Variants in TSC22D2 observed in about 807,000 individuals in gnomAD.
TSC22D2 encodes TSC22 domain family protein 2.
Under a neutral mutation model 50.1 loss-of-function variants are expected in TSC22D2, and 5 were observed. The ratio of observed to expected loss-of-function variants is 0.10; its 90% CI spans 0.05 to 0.21. The LOEUF is 0.21. TSC22D2 is among the 10% of genes least tolerant of loss of function. The pLI is 1.00. For synonymous variants in TSC22D2, 501 were observed against 450.1 expected (o/e 1.11, Z -1.43); for missense variants, 1,003 against 1,015.5 (o/e 0.99, Z 0.17).
chr3:150,441,956 C>T (rs1720729858), intron 1 of TSC22D2, among the ~76,000 whole-genome samples: 1 of 152,158 alleles, frequency 6.6e-6, no homozygotes, highest in African/African-American at 2.4e-5. Flanking sequence ...TCTCTCATAG[C>T]TGGTTAATCA....
intron 1 of TSC22D2, chr3:150,423,222 G>A: frequency 1.2e-6 from 1 of 813,480 alleles, no homozygotes; most frequent in Non-Finnish European, 1.9e-6. Flanking sequence ...GTTATTTTAG[G>A]GGGGAAATCA....
At position 150,463,174 on chromosome 3, in the gene TSC22D2, G is replaced by A; in HGVS notation, c.*4538G>A. 1 of 152,210 alleles carries A rather than the reference G, an allele frequency of 6.6e-6. No homozygotes were observed. The highest frequency in any genetic ancestry group is 2.1e-4 in the South Asian group (1 of 4,834). The allele number at this position is 152,210 out of a possible 1,614,324, so 9.4% of individuals were successfully genotyped here. Reference sequence around the variant, plus strand: ...AAATGGAATCCTTTTATGGTGACTAGGATTAGGATGTTGATTCCAAAGCCT... The same window carrying A: ...AAATGGAATCCTTTTATGGTGACTAAGATTAGGATGTTGATTCCAAAGCCT... On this transcript the variant is annotated 3_prime_UTR_variant, in exon 3 of 3. Coordinates refer to ENST00000688009, the MANE Select transcript of TSC22D2 (RefSeq NM_001303264.2).
chr3:150,445,380 C>A (rs1426730136), intron 1 of TSC22D2, among the ~76,000 whole-genome samples: 2 of 150,356 alleles, frequency 1.3e-5, no homozygotes, highest in African/African-American at 4.9e-5. Context: ...ATGTAAATCT[C>A]AAGTCAAACA....
intron 1 of TSC22D2, among the ~76,000 whole-genome samples, chr3:150,435,536 C>T (rs1720512092): frequency 6.6e-6 from 1 of 152,080 alleles, no homozygotes; most frequent in Non-Finnish European, 1.5e-5. Context: ...TTTCTCCAAA[C>T]AATGTAGTGA....
intron 1 of TSC22D2, among the ~76,000 whole-genome samples, chr3:150,436,253 C>T (rs901066391): frequency 6.6e-6 from 1 of 151,688 alleles, no homozygotes; most frequent in African/African-American, 2.4e-5. Flanking sequence ...TTGTAAGTTT[C>T]GTAGTAAAAT....
chr3:150,457,611 C>A (rs1030135252), intron 2 of TSC22D2, among the ~76,000 whole-genome samples: 20 of 152,116 alleles, frequency 1.3e-4, no homozygotes, highest in African/African-American at 4.3e-4. Flanking sequence ...GGCAACATAG[C>A]AAGACCCCGT....
At chr3:150,446,564 C>A (rs924638668) in intron 1 of TSC22D2, among the ~76,000 whole-genome samples, 2 of 152,170 alleles carry the variant, frequency 1.3e-5, no homozygotes, top group African/African-American at 4.8e-5. Context: ...AAAAAACATT[C>A]CAAATGGAAA....
chr3:150,409,681 C>A lies in TSC22D2; in HGVS notation c.331C>A (p.Arg111=), dbSNP rs1388805814. ...PANGGGVVSA[R]SVSGALASTL... ...CAACGGAGGAGGAGTCGTTTCGGCC[C>A]GGAGCGTGTCTGGGGCGCTCGCCAG... The change falls in exon 1 of 3, where the codon CGG becomes AGG. Residue 111 remains arginine (R), a synonymous_variant. Coordinates refer to ENST00000688009, the MANE Select transcript of TSC22D2 (RefSeq NM_001303264.2). The surrounding 1 kb of genome is among the most constrained non-coding windows in gnomAD (Gnocchi z 7.4). The A allele has an allele frequency of 3.8e-6, 6 of 1,591,662 alleles. No individual in the cohort carries two copies. The highest frequency in any genetic ancestry group is 5.1e-6 in the Non-Finnish European group (6 of 1,169,978).
At chr3:150,446,253 G>A (rs1453082119) in intron 1 of TSC22D2, among the ~76,000 whole-genome samples, 4 of 152,162 alleles carry the variant, frequency 2.6e-5, no homozygotes, top group African/African-American at 9.7e-5. Context: ...AAGTGGAGAA[G>A]AAAAAATACT....
chr3:150,409,681 C>G lies in TSC22D2; in HGVS notation c.331C>G (p.Arg111Gly). Residue 111 changes from arginine to glycine, a missense_variant, in exon 1 of 3, where the codon CGG becomes GGG. Around this residue, in one of 6 missense-constraint regions of TSC22D2, gnomAD observed 200 missense variants for 182.8 expected, o/e 1.09. Transcript: ENST00000688009. The surrounding 1 kb of genome is among the most constrained non-coding windows in gnomAD (Gnocchi z 7.4). ...PANGGGVVSA[R>G]SVSGALASTL... The stretch of plus-strand genomic sequence containing the variant: ...CAACGGAGGAGGAGTCGTTTCGGCC[C>G]GGAGCGTGTCTGGGGCGCTCGCCAG... 1 of 1,591,662 alleles carries G rather than the reference C, an allele frequency of 6.3e-7. No homozygotes were observed. Among genetic ancestry groups the G allele is most frequent in the African/African-American group, 1.3e-5 (1 of 74,678 alleles).
Position 150,458,513 on chromosome 3 carries a change from T to G in TSC22D2, c.2148T>G (p.Asp716Glu). Residue 716 changes from aspartate (D) to glutamate (E), a missense_variant, in exon 3 of 3, where the codon GAT becomes GAG. This residue lies in a region of TSC22D2 where 54 missense variants were observed against 51.4 expected (regional missense o/e 1.05). Transcript: ENST00000688009. ...TGTTAAAATCTCTTTCAAGCAATGA[T>G]CAATTATCCCAACTCCCAACCCAAC... Reference protein sequence around the residue: ...NALLKSLSSNDQLSQLPTQQA... With the variant: ...NALLKSLSSNEQLSQLPTQQA... 1.9e-6 allele frequency: 3 copies of G among 1,614,186 alleles called. No individual in the cohort carries two copies. The highest frequency in any genetic ancestry group is 2.5e-6 in the Non-Finnish European group (3 of 1,180,030).
chr3:150,409,154 C>T lies in TSC22D2; in HGVS notation c.-197C>T. On this transcript the variant is annotated 5_prime_UTR_variant, in exon 1 of 3. Transcript: ENST00000688009. The surrounding 1 kb of genome is among the most constrained non-coding windows in gnomAD (Gnocchi z 7.4). ...GGGGGCAGAGCCGAAGAGACCGACA[C>T]AGAGAAGGAAACGAGGAGGAGGATG... 1.8e-6 allele frequency: 1 copy of T among 542,988 alleles called. No homozygotes were observed. Among genetic ancestry groups the T allele is most frequent in the Non-Finnish European group, 3.2e-6 (1 of 310,720 alleles). 33.6% of individuals were successfully genotyped at this position (542,988 alleles called of 1,614,324 possible). A position where few individuals can be genotyped will look rare whatever the true frequency, so the allele number is the denominator to read the frequency against.
chr3:150,460,135 G>A lies in TSC22D2; in HGVS notation c.*1499G>A, dbSNP rs1721350755. 2 of 152,134 alleles carry A rather than the reference G, an allele frequency of 1.3e-5. No homozygotes were observed. The highest frequency in any genetic ancestry group is 4.8e-5 in the African/African-American group (2 of 41,502). 9.4% of individuals were successfully genotyped at this position (152,134 alleles called of 1,614,324 possible). ...TTTGTTGAAATATTTGGCTCTATATGTGTTCAAAATTTGACTAGATTTGTA... is the reference window on the plus strand; with the variant it reads ...TTTGTTGAAATATTTGGCTCTATATATGTTCAAAATTTGACTAGATTTGTA... On this transcript the variant is annotated 3_prime_UTR_variant, in exon 3 of 3. Transcript: ENST00000688009.
intron 1 of TSC22D2, among the ~76,000 whole-genome samples, chr3:150,456,615 A>G (rs1721199425): frequency 8.2e-6 from 1 of 122,584 alleles, no homozygotes; most frequent in African/African-American, 3.1e-5. Flanking sequence ...TCTTACTAAG[A>G]GGAGGGACTA....
At chr3:150,455,437 A>G (rs189322735) in intron 1 of TSC22D2, among the ~76,000 whole-genome samples, 165 of 152,376 alleles carry the variant, frequency 1.1e-3, no homozygotes, top group Non-Finnish European at 1.9e-3. Flanking sequence ...CATCTTAGAA[A>G]TAGTAGCAGC....
chr3:150,431,212 G>A (rs1336092862), intron 1 of TSC22D2, among the ~76,000 whole-genome samples: 2 of 108,608 alleles, frequency 1.8e-5, no homozygotes, highest in Non-Finnish European at 3.5e-5. Context: ...GTGACAGAGT[G>A]AGGCTCTGTC....
chr3:150,453,257 T>C (rs1721094188), intron 1 of TSC22D2, among the ~76,000 whole-genome samples: 1 of 152,188 alleles, frequency 6.6e-6, no homozygotes, highest in African/African-American at 2.4e-5. Flanking sequence ...ACAAGGTATA[T>C]AGTATTATAA....
At chr3:150,456,974 A>G (rs745680585) in intron 1 of TSC22D2, 102 bp from the exon 2 acceptor site, 5 of 938,822 alleles carry the variant, frequency 5.3e-6, no homozygotes, top group African/African-American at 1.7e-5. Flanking sequence ...AAATTACTGT[A>G]TATTTGGTTT....
chr3:150,411,014 AGCATGTTGGGCT>A lies in TSC22D2; in HGVS notation c.1667_1678del (p.His556_Leu559del). On this transcript the variant is annotated inframe_deletion, in exon 1 of 3. Transcript: ENST00000688009. ...GTCAGCAGGAGCAGCAGCATAATCC[AGCATGTTGGGCT>A]GCCCTTAGCGCCAGGCACACACAGC... The A allele has an allele frequency of 1.2e-6, 2 of 1,614,214 alleles. No homozygotes were observed. The highest frequency in any genetic ancestry group is 1.7e-6 in the Non-Finnish European group (2 of 1,180,034).
Sources: allele counts gnomAD v4.1 joint callset (sites outside exome capture counted in the v4.1 genomes callset), GRCh38; gene constraint gnomAD v4.1.1; regional missense constraint gnomAD v4.1.1; non-coding constraint Gnocchi (gnomAD v3.1); transcripts MANE v1.5; gene names NCBI Gene and HGNC (gene_info 2026-07-23, HGNC 2026-07-21).